The following SMC5 variants were observed in gnomAD, a reference collection of about 807,000 sequenced individuals.
SMC5 encodes structural maintenance of chromosomes 5, also known as structural maintenance of chromosomes protein 5.
Under a neutral mutation model 148.3 loss-of-function variants are expected in SMC5, and 88 were observed. That is an observed-to-expected ratio of 0.59 (90% CI 0.50 to 0.71). The LOEUF is 0.71. Ranked by LOEUF, SMC5 falls within the 30% of genes least tolerant of loss-of-function variation. The pLI is 0.00. For missense variants in SMC5, 1,142 were observed against 1,298.9 expected (o/e 0.88, Z 1.86); for synonymous variants, 421 against 432.8 (o/e 0.97, Z 0.34).
intron 18 of SMC5, chr9:70,344,484 A>G (rs1484089560): frequency 4.8e-6 from 1 of 209,370 alleles, no homozygotes; most frequent in Admixed American, 5.9e-5. Context: ...CTTCCAATAC[A>G]AATGCCTTTT....
At position 70,305,259 on chromosome 9, in the gene SMC5, G is replaced by A; in HGVS notation, c.1477G>A (p.Asp493Asn). 6.6e-7 allele frequency: 1 copy of A among 1,525,158 alleles called. No individual in the cohort carries two copies. The highest frequency in any genetic ancestry group is 9.1e-7 in the Non-Finnish European group (1 of 1,104,724). 94.5% of individuals were successfully genotyped at this position (1,525,158 alleles called of 1,614,324 possible). The stretch of plus-strand genomic sequence containing the variant: ...CTTGTTTGTTTAGATCAATATGAAA[G>A]ATAATAAAAATGCCAAATATATTGA... ...EPIMLTINMK[D>N]NKNAKYIENH... Residue 493 changes from aspartate to asparagine, a missense_variant, in exon 11 of 25, where the codon GAT becomes AAT. This residue lies in a region of SMC5 where 743 missense variants were observed against 835.7 expected (regional missense o/e 0.89). Transcript: ENST00000361138.
chr9:70,280,689 C>A, intron 5 of SMC5, 70 bp from the exon 6 acceptor site: 1 of 1,434,008 alleles, frequency 7.0e-7, no homozygotes, highest in Non-Finnish European at 9.5e-7. Context: ...GTTTATTTTT[C>A]ATTGTTAAAA....
At chr9:70,333,810 A>G (rs758707663) in intron 17 of SMC5, among the ~76,000 whole-genome samples, 20 of 152,160 alleles carry the variant, frequency 1.3e-4, no homozygotes, top group Non-Finnish European at 2.8e-4. Flanking sequence ...GATGAGAGAA[A>G]ACTTTGCTGA....
At chr9:70,340,229 G>A (rs1339797764) in intron 17 of SMC5, among the ~76,000 whole-genome samples, 3 of 151,508 alleles carry the variant, frequency 2.0e-5, no homozygotes, top group Non-Finnish European at 4.4e-5. Context: ...CTTTTCATCT[G>A]ACCTCTCTTC....
At chr9:70,298,260 G>A (rs1205058757) in intron 9 of SMC5, 39 bp downstream of exon 9, 2 of 1,572,140 alleles carry the variant, frequency 1.3e-6, no homozygotes, top group South Asian at 1.2e-5. Context: ...TTTATAAAAT[G>A]TAGATACATC....
At position 70,263,154 on chromosome 9, in the gene SMC5, G is replaced by A. The variant is rs751102021; in HGVS notation, c.186-1150G>A. Reference sequence around the variant, plus strand: ...CCAAGTGGGGCTTCATGTGTTGAGCGTAAGAAGTTCCATGTCAGGTAATTT... The same window carrying A: ...CCAAGTGGGGCTTCATGTGTTGAGCATAAGAAGTTCCATGTCAGGTAATTT... On this transcript the variant is annotated intron_variant, in intron 1 of 24. Transcript: ENST00000361138. Among the ~76,000 whole-genome samples, 21 of 152,174 alleles carry A rather than the reference G, an allele frequency of 1.4e-4. 1 individual carries two copies. Among genetic ancestry groups the A allele is most frequent in the South Asian group, 1.0e-3 (5 of 4,822 alleles).
chr9:70,291,870 G>C (rs1035670731), intron 8 of SMC5, among the ~76,000 whole-genome samples: 1 of 151,554 alleles, frequency 6.6e-6, no homozygotes, highest in East Asian at 1.9e-4. Flanking sequence ...CATTATAAAA[G>C]AGCTCCAAAC....
At chr9:70,330,660 A>G (rs760004158) in intron 17 of SMC5, among the ~76,000 whole-genome samples, 1 of 150,088 alleles carries the variant, frequency 6.7e-6, no homozygotes, top group Non-Finnish European at 1.5e-5. Context: ...TTCCTGCCTC[A>G]GCCTCCCAAG....
chr9:70,330,275 G>T (rs1190766490), intron 17 of SMC5, among the ~76,000 whole-genome samples: 1 of 152,120 alleles, frequency 6.6e-6, no homozygotes, highest in Non-Finnish European at 1.5e-5. Context: ...CTGCCTGTTA[G>T]ATGTCAGTAG....
rs775023151 is a variant in SMC5 at position 70,305,401 on chromosome 9, TTAC to T, written c.1578+43_1578+45del. 8 of 1,177,360 alleles carry T rather than the reference TTAC, an allele frequency of 6.8e-6. No homozygotes were observed. The African/African-American group carries it at 1.2e-4, about 18-fold the overall frequency. 72.9% of individuals were successfully genotyped at this position (1,177,360 alleles called of 1,614,324 possible). On this transcript the variant is annotated intron_variant, in intron 11 of 24. Transcript: ENST00000361138. Reference sequence around the variant, plus strand: ...CACAACACTTTGATTCACTTGACACTTACTTTCAGCACTTGAAGTTTTAAATTC... The same window carrying T: ...CACAACACTTTGATTCACTTGACACTTTTCAGCACTTGAAGTTTTAAATTC...
Position 70,268,077 on chromosome 9 carries a change from C to A in SMC5, c.380+102C>A, listed in dbSNP as rs932419662. 24 of 798,454 alleles carry A rather than the reference C, an allele frequency of 3.0e-5. No homozygotes were observed. The African/African-American group carries it at 4.0e-4, about 13-fold the overall frequency. 49.5% of individuals were successfully genotyped at this position (798,454 alleles called of 1,614,324 possible). On this transcript the variant is annotated intron_variant, in intron 3 of 24. Transcript: ENST00000361138. ...AAAGAGTATTAATATAGTATTATGG[C>A]ATAAATATTGGAAATAATATTTAAA...
At position 70,346,988 on chromosome 9, in the gene SMC5, A is replaced by C. The variant is rs1026204041; in HGVS notation, c.2569-78A>C. ...TGTTGAACAGATAGATAACTTATTC[A>C]GCAGATTATTTTTCTTTTAACTATT... On this transcript the variant is annotated intron_variant, in intron 19 of 24. Coordinates refer to ENST00000361138, the MANE Select transcript of SMC5 (RefSeq NM_015110.4). 6.8e-6 allele frequency: 7 copies of C among 1,035,064 alleles called. No individual in the cohort carries two copies. The Admixed American group carries it at 1.3e-4, about 18-fold the overall frequency. The allele number at this position is 1,035,064 out of a possible 1,614,324, so 64.1% of individuals were successfully genotyped here.
intron 18 of SMC5, among the ~76,000 whole-genome samples, chr9:70,346,150 GC>G (rs1331938121): frequency 6.6e-6 from 1 of 152,172 alleles, no homozygotes. Flanking sequence ...AATTTAAGAT[GC>G]CTATTAGAGT....
intron 17 of SMC5, among the ~76,000 whole-genome samples, chr9:70,328,394 C>T (rs2036138919): frequency 6.6e-6 from 1 of 152,152 alleles, no homozygotes; most frequent in African/African-American, 2.4e-5. Context: ...GGTAAATACC[C>T]CCTTTCAAAA....
intron 3 of SMC5, among the ~76,000 whole-genome samples, chr9:70,269,571 ACT>A (rs2034389082): frequency 6.6e-6 from 1 of 152,026 alleles, no homozygotes; most frequent in Non-Finnish European, 1.5e-5. Flanking sequence ...ACAGAGTGAG[ACT>A]CTGTCTGCAA....
At chr9:70,339,420 C>G (rs1283349655) in intron 17 of SMC5, among the ~76,000 whole-genome samples, 2 of 149,146 alleles carry the variant, frequency 1.3e-5, no homozygotes, top group Non-Finnish European at 3.0e-5. Context: ...CAGAGCGAGA[C>G]TCCGTCTCAA....
Position 70,352,181 on chromosome 9 carries a change from A to C in SMC5, c.3166-10A>C, listed in dbSNP as rs1564077416. 1 of 1,602,088 alleles carries C rather than the reference A, an allele frequency of 6.2e-7. No individual in the cohort carries two copies. Among genetic ancestry groups the C allele is most frequent in the South Asian group, 1.1e-5 (1 of 88,714 alleles). On this transcript the variant is annotated splice_polypyrimidine_tract_variant and intron_variant, in intron 24 of 24. Coordinates refer to ENST00000361138, the MANE Select transcript of SMC5 (RefSeq NM_015110.4). ...ATAGCTTATATGACAATTTGTTTTA[A>C]TACTTACAGCTCCTGCAAAATCTTC...
chr9:70,304,701 G>C (rs1359203556), intron 10 of SMC5, among the ~76,000 whole-genome samples: 1 of 151,906 alleles, frequency 6.6e-6, no homozygotes, highest in Non-Finnish European at 1.5e-5. Context: ...ATAAAAAAGA[G>C]AAAAGTAAAA....
rs760359349 is a variant in SMC5 at position 70,278,472 on chromosome 9, T to A, written c.544-19T>A. ...TGTAAATGAATGATAGTTGCTGATA[T>A]TTAATTTTTGTGCTCTAGGACAAAG... On this transcript the variant is annotated intron_variant, in intron 4 of 24. Coordinates refer to ENST00000361138, the MANE Select transcript of SMC5 (RefSeq NM_015110.4). 6.3e-7 allele frequency: 1 copy of A among 1,599,474 alleles called. No homozygotes were observed. Among genetic ancestry groups the A allele is most frequent in the East Asian group, 2.2e-5 (1 of 44,576 alleles).
Sources: allele counts gnomAD v4.1 joint callset (sites outside exome capture counted in the v4.1 genomes callset), GRCh38; gene constraint gnomAD v4.1.1; regional missense constraint gnomAD v4.1.1; transcripts MANE v1.5; gene names NCBI Gene and HGNC (gene_info 2026-07-23, HGNC 2026-07-21).